DLGAP2: variants seen among roughly 807,000 people sequenced by gnomAD.
The protein encoded by DLGAP2 is DLG associated protein 2, also known as disks large-associated protein 2.
Under a neutral mutation model 100.3 loss-of-function variants are expected in DLGAP2, and 26 were observed. The observed-to-expected ratio is 0.26, with a 90% CI of 0.19 to 0.36. The LOEUF (loss-of-function observed/expected upper bound fraction) is 0.36. DLGAP2 is among the 10% of genes least tolerant of loss of function. DLGAP2 has a pLI of 1.00. For synonymous variants in DLGAP2, 886 were observed against 630.1 expected (o/e 1.41, Z -6.08); for missense variants, 1,858 against 1,453.2 (o/e 1.28, Z -4.53).
rs901489841 is a variant in DLGAP2 at position 855,056 on chromosome 8, G to A, written c.19-52856G>A. Among the ~76,000 whole-genome samples, 9 of 152,190 alleles carry A rather than the reference G, an allele frequency of 5.9e-5. No homozygotes were observed. In the East Asian group the frequency reaches 1.5e-3, roughly 26 times the overall value. Reference sequence around the variant, plus strand: ...GGTCCGGGAGGGAGTGATGGTAGGCGCTTGCCGAGTGGTGGGGAGGAGGCG... The same window carrying A: ...GGTCCGGGAGGGAGTGATGGTAGGCACTTGCCGAGTGGTGGGGAGGAGGCG... On this transcript the variant is annotated intron_variant, in intron 1 of 14. Coordinates refer to ENST00000637795, the MANE Select transcript of DLGAP2 (RefSeq NM_001346810.2).
chr8:884,850 G>A (rs2128994351), intron 1 of DLGAP2, among the ~76,000 whole-genome samples: 1 of 152,214 alleles, frequency 6.6e-6, no homozygotes, highest in Admixed American at 6.5e-5. Flanking sequence ...TCTGCATATG[G>A]CTGGCTAGTT....
chr8:1,454,392 C>T (rs771729589), intron 3 of DLGAP2, among the ~76,000 whole-genome samples: 7 of 152,044 alleles, frequency 4.6e-5, no homozygotes, highest in South Asian at 4.2e-4. Flanking sequence ...CTGAAACTAC[C>T]GTCCCTGCGT....
intron 2 of DLGAP2, among the ~76,000 whole-genome samples, chr8:1,191,501 T>C (rs894776163): frequency 2.0e-5 from 3 of 152,164 alleles, no homozygotes; most frequent in African/African-American, 7.2e-5. Flanking sequence ...AATTCTACAA[T>C]CCTGTCTAAA....
At chr8:804,250 A>T (rs138613137) in intron 1 of DLGAP2, among the ~76,000 whole-genome samples, 2 of 152,134 alleles carry the variant, frequency 1.3e-5, no homozygotes, top group Non-Finnish European at 2.9e-5. Context: ...TTTTAGTCCA[A>T]TGATTCTGGG....
chr8:1,179,220 A>C (rs561649762), intron 2 of DLGAP2, among the ~76,000 whole-genome samples: 6 of 152,212 alleles, frequency 3.9e-5, no homozygotes, highest in Non-Finnish European at 8.8e-5. Context: ...CCACTTTGCA[A>C]TTTGGGAGAT....
intron 3 of DLGAP2, among the ~76,000 whole-genome samples, chr8:1,374,918 C>T (rs1274244242): frequency 6.6e-6 from 1 of 152,124 alleles, no homozygotes; most frequent in Non-Finnish European, 1.5e-5. Context: ...ATCCCAAGCC[C>T]AATACGACAG....
rs186396333 is a variant in DLGAP2 at position 1,495,092 on chromosome 8, C to T, written c.107-6274C>T. Reference sequence around the variant, plus strand: ...CCGACACCAGGTGGCAGCTCAGCCCCTGGCGGTCTTGGTGCCCTCCCTTCC... The same window carrying T: ...CCGACACCAGGTGGCAGCTCAGCCCTTGGCGGTCTTGGTGCCCTCCCTTCC... On this transcript the variant is annotated intron_variant, in intron 3 of 14. Transcript: ENST00000637795. Among the ~76,000 whole-genome samples, 232 of 152,346 alleles carry T rather than the reference C, an allele frequency of 1.5e-3. 4 individuals carry two copies. The highest frequency in any genetic ancestry group is 5.3e-3 in the African/African-American group (219 of 41,584).
chr8:1,008,695 G>C (rs1801191094), intron 2 of DLGAP2, among the ~76,000 whole-genome samples: 1 of 152,224 alleles, frequency 6.6e-6, no homozygotes, highest in Non-Finnish European at 1.5e-5. Context: ...CAGGAGGACT[G>C]GTACTCACTA....
intron 2 of DLGAP2, among the ~76,000 whole-genome samples, chr8:1,180,492 C>T (rs1369823590): frequency 2.0e-5 from 3 of 152,256 alleles, no homozygotes; most frequent in Non-Finnish European, 2.9e-5. Context: ...CCGTGCCCAG[C>T]TCTTAGTCTT....
At chr8:951,404 C>T (rs1043180131) in intron 2 of DLGAP2, among the ~76,000 whole-genome samples, 1 of 152,156 alleles carries the variant, frequency 6.6e-6, no homozygotes, top group Non-Finnish European at 1.5e-5. Context: ...GCCACCACAC[C>T]TGGCTATTTT....
chr8:1,070,318 C>T (rs985197523), intron 2 of DLGAP2, among the ~76,000 whole-genome samples: 2 of 152,160 alleles, frequency 1.3e-5, no homozygotes, highest in African/African-American at 2.4e-5. Context: ...AGAGAAGAGG[C>T]CCTGTGTCCC....
At chr8:969,404 A>G (rs944378299) in intron 2 of DLGAP2, among the ~76,000 whole-genome samples, 3 of 152,246 alleles carry the variant, frequency 2.0e-5, no homozygotes, top group East Asian at 1.9e-4. Context: ...TGCACAGCCT[A>G]TTAGTTTCTC....
chr8:1,072,400 G>C (rs1480692717), intron 2 of DLGAP2, among the ~76,000 whole-genome samples: 3 of 152,214 alleles, frequency 2.0e-5, no homozygotes, highest in Non-Finnish European at 4.4e-5. Context: ...AATTTGATGA[G>C]TTTGATTTGT....
At chr8:1,025,115 CGTGCATGTGCGTGT>C (rs1205071152) in intron 2 of DLGAP2, among the ~76,000 whole-genome samples, 8 of 150,754 alleles carry the variant, frequency 5.3e-5, no homozygotes, top group Admixed American at 5.3e-4. Context: ...TATGTGTGTG[CGTGCATGTGCGTGT>C]GCATGTGTGT....
chr8:1,200,154 G>T (rs1003736310), intron 2 of DLGAP2, among the ~76,000 whole-genome samples: 2 of 152,138 alleles, frequency 1.3e-5, no homozygotes, highest in African/African-American at 4.8e-5. Flanking sequence ...CACAGGAGAG[G>T]CTGGGTTTCC....
intron 3 of DLGAP2, among the ~76,000 whole-genome samples, chr8:1,281,922 T>C (rs979453813): frequency 7.9e-5 from 12 of 152,216 alleles, no homozygotes; most frequent in African/African-American, 2.9e-4. Flanking sequence ...TGGTGTCAGT[T>C]ATTGCCGATG....
At chr8:749,639 T>A (rs894168662) in intron 1 of DLGAP2, among the ~76,000 whole-genome samples, 5 of 152,236 alleles carry the variant, frequency 3.3e-5, no homozygotes, top group Non-Finnish European at 7.3e-5. Flanking sequence ...GGTTAATGTA[T>A]TTTTTTGAAT....
chr8:1,483,212 C>T (rs1409434827), intron 3 of DLGAP2, among the ~76,000 whole-genome samples: 1 of 152,062 alleles, frequency 6.6e-6, no homozygotes, highest in Admixed American at 6.5e-5. Flanking sequence ...CCAGGGAGTC[C>T]GTACTTTGTG....
intron 1 of DLGAP2, among the ~76,000 whole-genome samples, chr8:831,267 G>A (rs1259042647): frequency 6.7e-6 from 1 of 149,238 alleles, no homozygotes; most frequent in Non-Finnish European, 1.5e-5. Flanking sequence ...ACAACATGCA[G>A]GTTTGTTACA....
Sources: gnomAD v4.1 joint callset for allele counts (sites outside exome capture counted in the v4.1 genomes callset) on GRCh38, gnomAD v4.1.1 for gene constraint, MANE v1.5 for transcripts, NCBI Gene and HGNC (gene_info 2026-07-23, HGNC 2026-07-21) for gene names.